ZBBX: variants seen among roughly 807,000 people sequenced by gnomAD.
ZBBX encodes the protein zinc finger B-box domain-containing protein 1.
Under a neutral mutation model 108.5 loss-of-function variants are expected in ZBBX, and 101 were observed. The observed-to-expected ratio is 0.93, with a 90% CI of 0.79 to 1.10. ZBBX has a LOEUF of 1.10. Ranked by LOEUF, ZBBX falls within the 50% of genes least tolerant of loss-of-function variation. The probability of loss-of-function intolerance (pLI) is 0.00; values close to 1 mark genes in which losing one functional copy is unlikely to be tolerated. For missense variants in ZBBX, 1,009 were observed against 941.4 expected (o/e 1.07, Z -0.94); for synonymous variants, 356 against 323.4 (o/e 1.10, Z -1.08).
intron 12 of ZBBX, among the ~76,000 whole-genome samples, chr3:167,319,595 G>T (rs1288200012): frequency 6.6e-6 from 1 of 151,990 alleles, no homozygotes; most frequent in Non-Finnish European, 1.5e-5. Flanking sequence ...TATGGCCAAA[G>T]TAATGTTGGA....
intron 1 of ZBBX, among the ~76,000 whole-genome samples, chr3:167,405,991 G>T (rs369904439): frequency 1.4e-5 from 2 of 142,424 alleles, no homozygotes; most frequent in African/African-American, 6.2e-5. Context: ...ACTTGAACCC[G>T]GGGGGCAGAG....
At chr3:167,350,577 G>T in intron 8 of ZBBX, 62 bp from the exon 9 acceptor site, 1 of 1,215,404 alleles carries the variant, frequency 8.2e-7, no homozygotes, top group Non-Finnish European at 1.1e-6. Context: ...TTTAGAAAGT[G>T]TTTGCATAAA....
At chr3:167,382,770 T>C (rs1343984576), upstream of ZBBX, among the ~76,000 whole-genome samples, 1 of 152,194 alleles carries the variant, frequency 6.6e-6, no homozygotes, top group Non-Finnish European at 1.5e-5. Context: ...CATTAACTAT[T>C]GATAAAGTCT....
At chr3:167,220,573 A>G in the ZBBX span, among the ~76,000 whole-genome samples, 1 of 152,100 alleles carries the variant, frequency 6.6e-6, no homozygotes, top group East Asian at 1.9e-4. Flanking sequence ...TTAGGTATAG[A>G]GGGAGCATAT....
chr3:167,322,397 A>C (rs12632964), intron 11 of ZBBX, among the ~76,000 whole-genome samples, 160 bp from the exon 12 acceptor site: 53,392 of 151,844 alleles, frequency 0.35, 9,858 homozygotes, highest in East Asian at 0.65. Flanking sequence ...AAAGTATTAA[A>C]TATTGGTAAT....
At chr3:167,294,029 C>T (rs1017160106) in intron 18 of ZBBX, among the ~76,000 whole-genome samples, 3 of 152,118 alleles carry the variant, frequency 2.0e-5, no homozygotes, top group Admixed American at 6.6e-5. Flanking sequence ...CAAACCACTG[C>T]TCAAGGAAAT....
In ZBBX at chr3:167,242,641, T is replaced by C. The variant is rs1421654011; in HGVS notation, c.2257A>G (p.Thr753Ala). The C allele has an allele frequency of 6.2e-7, 1 of 1,609,442 alleles. No individual in the cohort carries two copies. Among genetic ancestry groups the C allele is most frequent in the East Asian group, 2.2e-5 (1 of 44,744 alleles). ...ELQVLRSLAD[T>A]SEKLYSLTSE... is the part of the protein sequence containing the mutation. ...GTTAAGCTGTAAAGCTTTTCTGAAG[T>C]ATCTGAAATATTTTATTTCATGCAT... Residue 753 changes from threonine to alanine, a missense_variant and splice_region_variant, in exon 21 of 22, where the codon ACT (threonine) becomes GCT (alanine). Thr to Ala is a moderately conservative substitution (Grantham distance 58, BLOSUM62 0). Coordinates refer to ENST00000675490, the MANE Select transcript of ZBBX (RefSeq NM_001199201.2).
intron 11 of ZBBX, 138 bp downstream of exon 11, chr3:167,327,804 C>T: frequency 1.2e-6 from 1 of 859,720 alleles, no homozygotes; most frequent in South Asian, 2.0e-5. Context: ...ATCCCAGCTA[C>T]TCAGAAGGCT....
chr3:167,352,394 A>T (rs1742811516), intron 8 of ZBBX, among the ~76,000 whole-genome samples: 1 of 152,120 alleles, frequency 6.6e-6, no homozygotes, highest in South Asian at 2.1e-4. Context: ...GAAAATGAAT[A>T]AATTCCTGGA....
intron 18 of ZBBX, among the ~76,000 whole-genome samples, chr3:167,289,638 C>CGGGTGT (rs1730311680): frequency 1.3e-5 from 2 of 152,176 alleles, no homozygotes; most frequent in South Asian, 4.1e-4. Flanking sequence ...CCTACACCAC[C>CGGGTGT]AGGGACCTTG....
intron 10 of ZBBX, chr3:167,331,716 G>T: frequency 1.7e-6 from 1 of 583,066 alleles, no homozygotes; most frequent in Non-Finnish European, 2.2e-6. Flanking sequence ...GACGCACATA[G>T]AAATTCAATG....
intron 20 of ZBBX, among the ~76,000 whole-genome samples, chr3:167,273,352 G>A (rs1195963013): frequency 6.6e-6 from 1 of 152,098 alleles, no homozygotes; most frequent in East Asian, 1.9e-4. Flanking sequence ...CACTCAGATG[G>A]TCTCCCAGTC....
chr3:167,180,364 T>C, the ZBBX span, among the ~76,000 whole-genome samples: 1 of 152,192 alleles, frequency 6.6e-6, no homozygotes, highest in African/African-American at 2.4e-5. Flanking sequence ...TTTTTGAAAG[T>C]CATTTAATGT....
intron 4 of ZBBX, 116 bp from the exon 5 acceptor site, chr3:167,368,690 AT>A (rs1745713124): frequency 1.5e-6 from 2 of 1,302,792 alleles, no homozygotes; most frequent in Non-Finnish European, 2.0e-6. Flanking sequence ...TATTTTACCT[AT>A]TTCTTTTGTA....
chr3:167,313,017 A>C (rs1734852263), intron 16 of ZBBX, among the ~76,000 whole-genome samples: 1 of 152,232 alleles, frequency 6.6e-6, no homozygotes, highest in South Asian at 2.1e-4. Flanking sequence ...GGAGGCTTGA[A>C]AATTATCTAG....
intron 1 of ZBBX, among the ~76,000 whole-genome samples, chr3:167,387,048 T>G (rs1747942379): frequency 6.6e-6 from 1 of 152,064 alleles, no homozygotes; most frequent in Non-Finnish European, 1.5e-5. Flanking sequence ...TTGTCACAAC[T>G]TTGTCCATAA....
the ZBBX span, among the ~76,000 whole-genome samples, chr3:167,218,346 G>C: frequency 6.6e-6 from 1 of 151,684 alleles, no homozygotes; most frequent in Non-Finnish European, 1.5e-5. Flanking sequence ...ACTGTAATTG[G>C]GTTGTATAAA....
intron 20 of ZBBX, among the ~76,000 whole-genome samples, chr3:167,266,731 A>ACTTGCT (rs1725570473): frequency 6.6e-6 from 1 of 152,184 alleles, no homozygotes; most frequent in Non-Finnish European, 1.5e-5. Context: ...CTTTTGCAAA[A>ACTTGCT]GTAAATTGCC....
chr3:167,216,761 T>C, the ZBBX span, among the ~76,000 whole-genome samples: 1 of 152,120 alleles, frequency 6.6e-6, no homozygotes, highest in African/African-American at 2.4e-5. Flanking sequence ...ATGGTACTGG[T>C]ACAGAAACAG....
Sources: gnomAD v4.1 joint callset for allele counts (sites outside exome capture counted in the v4.1 genomes callset) on GRCh38, gnomAD v4.1.1 for gene constraint, MANE v1.5 for transcripts, NCBI Gene and HGNC (gene_info 2026-07-23, HGNC 2026-07-21) for gene names.